Variants in TCERG1L observed in about 807,000 individuals in gnomAD.
TCERG1L encodes transcription elongation regulator 1 like, also known as transcription elongation regulator 1-like protein.
TCERG1L carries 37 observed loss-of-function variants against 56.3 expected under a neutral mutation model. That is an observed-to-expected ratio of 0.66 (90% CI 0.51 to 0.87). The LOEUF is 0.87. TCERG1L is among the 40% of genes least tolerant of loss of function. TCERG1L has a pLI of 0.00. For synonymous variants in TCERG1L, 324 were observed against 326.3 expected (o/e 0.99, Z 0.08); for missense variants, 799 against 774.2 (o/e 1.03, Z -0.38).
At chr10:131,290,340 C>T (rs1168077488) in intron 3 of TCERG1L, among the ~76,000 whole-genome samples, 1 of 152,126 alleles carries the variant, frequency 6.6e-6, no homozygotes, top group African/African-American at 2.4e-5. Context: ...CTTTTAAAAA[C>T]TTAACATTAG....
chr10:131,197,039 C>T (rs891848484), intron 4 of TCERG1L, among the ~76,000 whole-genome samples: 2 of 152,090 alleles, frequency 1.3e-5, no homozygotes, highest in Non-Finnish European at 2.9e-5. Flanking sequence ...GGAGTCCATG[C>T]CCCCCTCACC....
chr10:131,264,023 G>A (rs1846259462), intron 3 of TCERG1L, among the ~76,000 whole-genome samples: 1 of 146,970 alleles, frequency 6.8e-6, no homozygotes, highest in Non-Finnish European at 1.5e-5. Context: ...GGAGCCCCCA[G>A]AAGGGCAATG....
chr10:131,098,279 T>C (rs1845269497), intron 11 of TCERG1L, 27 bp downstream of exon 11: 13 of 1,546,738 alleles, frequency 8.4e-6, no homozygotes, highest in Non-Finnish European at 1.1e-5. Flanking sequence ...GCCCCAGAAA[T>C]CATCCGGTAT....
chr10:131,142,665 C>G (rs1845751131), intron 7 of TCERG1L, among the ~76,000 whole-genome samples: 1 of 152,176 alleles, frequency 6.6e-6, no homozygotes, highest in African/African-American at 2.4e-5. Flanking sequence ...GCCCTCAGGT[C>G]TGGCATCAGA....
At chr10:131,127,372 T>C (rs548669060) in intron 8 of TCERG1L, among the ~76,000 whole-genome samples, 25 of 152,266 alleles carry the variant, frequency 1.6e-4, no homozygotes, top group Admixed American at 1.4e-3. Context: ...GACCCTGTCA[T>C]GAGCAGCATT....
intron 10 of TCERG1L, among the ~76,000 whole-genome samples, chr10:131,101,909 C>T (rs1446638307): frequency 6.7e-6 from 1 of 149,562 alleles, no homozygotes; most frequent in Non-Finnish European, 1.5e-5. Context: ...GCCATGTTGT[C>T]CAGGCTGGTC....
intron 6 of TCERG1L, among the ~76,000 whole-genome samples, chr10:131,149,124 G>C (rs1240752187): frequency 6.6e-6 from 1 of 152,270 alleles, no homozygotes; most frequent in Non-Finnish European, 1.5e-5. Flanking sequence ...CAACCCTTCA[G>C]ATGGGGGGTG....
intron 4 of TCERG1L, among the ~76,000 whole-genome samples, chr10:131,224,297 C>A (rs367817235): frequency 6.6e-6 from 1 of 152,162 alleles, no homozygotes; most frequent in Non-Finnish European, 1.5e-5. Context: ...GGTCGCTGCA[C>A]GTCCCATTGG....
chr10:131,278,468 G>C (rs569635444), intron 3 of TCERG1L, among the ~76,000 whole-genome samples: 10 of 151,362 alleles, frequency 6.6e-5, no homozygotes, highest in Non-Finnish European at 1.5e-4. Flanking sequence ...CTCCCAAGTA[G>C]CTGGAATTAC....
intron 4 of TCERG1L, among the ~76,000 whole-genome samples, chr10:131,224,000 G>A (rs79899993): frequency 0.021 from 3,185 of 151,866 alleles, 58 homozygotes; most frequent in Non-Finnish European, 0.032. Flanking sequence ...AGAAGCAGCC[G>A]CTCCATCCCA....
At chr10:131,200,551 C>G (rs1845420370) in intron 4 of TCERG1L, among the ~76,000 whole-genome samples, 1 of 152,186 alleles carries the variant, frequency 6.6e-6, no homozygotes, top group African/African-American at 2.4e-5. Flanking sequence ...GTGTGTTCCA[C>G]CATTGTATTT....
At position 131,260,455 on chromosome 10, in the gene TCERG1L, G is replaced by A. The variant is rs760484752; in HGVS notation, c.671-11C>T. ...TGTTATGGCAGCCACCTGCGGAAGA[G>A]GGATGCAGAGGGTCAGCAAGGGGAC... On this transcript the variant is annotated splice_polypyrimidine_tract_variant and intron_variant, in intron 3 of 11. Transcript: ENST00000368642. This position sits in a 1 kb window ranked among gnomAD's most constrained non-coding sequence, Gnocchi z 5.8. 7.2e-7 allele frequency: 1 copy of A among 1,388,242 alleles called. No individual in the cohort carries two copies. Among genetic ancestry groups the A allele is most frequent in the Non-Finnish European group, 9.4e-7 (1 of 1,068,538 alleles). 86.0% of individuals were successfully genotyped at this position (1,388,242 alleles called of 1,614,324 possible).
At chr10:131,105,641 G>T (rs1399283272) in intron 9 of TCERG1L, among the ~76,000 whole-genome samples, 1 of 152,066 alleles carries the variant, frequency 6.6e-6, no homozygotes, top group African/African-American at 2.4e-5. Flanking sequence ...TATTTATATT[G>T]CTATGGACTC....
chr10:131,309,834 CAAAAAAAAAAAAA>C lies in TCERG1L; in HGVS notation c.343-548_343-536del, dbSNP rs58892586. 1.0e-3 allele frequency among the ~76,000 whole-genome samples: 50 copies of C among 49,856 alleles called. 1 individual carries two copies. Among genetic ancestry groups the C allele is most frequent in the African/African-American group, 3.7e-3 (44 of 11,776 alleles). 32.7% of individuals were successfully genotyped at this position (49,856 alleles called of 152,430 possible). A position where few individuals can be genotyped will look rare whatever the true frequency, so the allele number is the denominator to read the frequency against. ...TCACCAATACAAATAGATTCTATGG[CAAAAAAAAAAAAA>C]AAAAAAAAAAAACTAAGCATCTTCT... On this transcript the variant is annotated intron_variant, in intron 1 of 11. Coordinates refer to ENST00000368642, the MANE Select transcript of TCERG1L (RefSeq NM_174937.4).
chr10:131,222,229 A>G (rs1338121494), intron 4 of TCERG1L, among the ~76,000 whole-genome samples: 1 of 152,208 alleles, frequency 6.6e-6, no homozygotes. Context: ...AAAAGAGTGA[A>G]TTATTGGTGC....
intron 3 of TCERG1L, among the ~76,000 whole-genome samples, chr10:131,300,140 A>T (rs2133581429): frequency 6.6e-6 from 1 of 152,214 alleles, no homozygotes; most frequent in African/African-American, 2.4e-5. Context: ...AGCTTTCAAT[A>T]ATTGTTTCTG....
rs779066204 is a variant in TCERG1L at position 131,289,553 on chromosome 10, CTG to C, written c.670+18656_670+18657del. 1.2e-4 allele frequency among the ~76,000 whole-genome samples: 4 copies of C among 33,252 alleles called. 1 individual carries two copies. Among genetic ancestry groups the C allele is most frequent in the East Asian group, 2.3e-3 (2 of 854 alleles). 21.8% of individuals were successfully genotyped at this position (33,252 alleles called of 152,430 possible). On this transcript the variant is annotated intron_variant, in intron 3 of 11. Coordinates refer to ENST00000368642, the MANE Select transcript of TCERG1L (RefSeq NM_174937.4). Reference sequence around the variant, plus strand: ...CCTATCGGTGTGTATGTGTGCACCGCTGTGTGTGAGCAGGTGTGCACTGCCTC... The same window carrying C: ...CCTATCGGTGTGTATGTGTGCACCGCTGTGTGAGCAGGTGTGCACTGCCTC...
intron 4 of TCERG1L, among the ~76,000 whole-genome samples, chr10:131,201,682 G>C (rs1424138028): frequency 6.6e-6 from 1 of 152,224 alleles, no homozygotes; most frequent in Non-Finnish European, 1.5e-5. Flanking sequence ...TGCTGCTGCT[G>C]TTGGGCATTT....
At chr10:131,168,631 G>A (rs183206590) in intron 4 of TCERG1L, among the ~76,000 whole-genome samples, 95 of 152,312 alleles carry the variant, frequency 6.2e-4, no homozygotes, top group African/African-American at 2.2e-3. Context: ...TCCAGTGAGC[G>A]GGTGGAGGAA....
Sources: gnomAD v4.1 joint callset for allele counts (sites outside exome capture counted in the v4.1 genomes callset) on GRCh38, gnomAD v4.1.1 for gene constraint, Gnocchi (gnomAD v3.1) non-coding constraint, MANE v1.5 for transcripts, NCBI Gene and HGNC (gene_info 2026-07-23, HGNC 2026-07-21) for gene names.